TPRX1: variants seen among roughly 807,000 people sequenced by gnomAD.
TPRX1 encodes the protein tetra-peptide repeat homeobox protein 1.
A neutral mutation model predicts 8.1 loss-of-function variants in TPRX1; 2 were observed. That is an observed-to-expected ratio of 0.25 (90% confidence interval 0.10 to 0.78). The LOEUF is 0.78. Ranked by LOEUF, TPRX1 falls within the 30% of genes least tolerant of loss-of-function variation. The probability of loss-of-function intolerance (pLI) is 0.70; values close to 1 mark genes in which losing one functional copy is unlikely to be tolerated. For missense variants in TPRX1, 517 were observed against 586.9 expected, an observed-to-expected ratio of 0.88 and a Z score of 1.23; for synonymous variants, 257 against 254.1, an observed-to-expected ratio of 1.01 and a Z score of -0.11.
intron 2 of TPRX1, among the ~76,000 whole-genome samples, chr19:47,816,690 G>A (rs989536422): frequency 1.3e-4 from 19 of 151,560 alleles, no homozygotes; most frequent in East Asian, 3.9e-4. Context: ...CCGCCACCAC[G>A]CCCGGCTATT....
chr19:47,814,316 A>C (rs1329011391), intron 2 of TPRX1, among the ~76,000 whole-genome samples: 1 of 151,990 alleles, frequency 6.6e-6, no homozygotes, highest in Non-Finnish European at 1.5e-5. Flanking sequence ...CGACCTCCCA[A>C]AGTGTTGGGA....
intron 2 of TPRX1, among the ~76,000 whole-genome samples, chr19:47,808,578 C>T (rs539291370): frequency 5.3e-5 from 8 of 151,946 alleles, no homozygotes; most frequent in Non-Finnish European, 1.0e-4. Context: ...GGACTACAGG[C>T]GCCTGCCACC....
At position 47,802,485 on chromosome 19, in the gene TPRX1, G is replaced by T. The variant is rs1199038020; in HGVS notation, c.817C>A (p.Pro273Thr). ...GGGTTTGGGCCTGGGATCGGGCCTG[G>T]GTTTGGGCCTGAGAATGGGCCTGAG... is the stretch of plus-strand genomic sequence containing the variant. Residue 273 changes from proline (P) to threonine (T), a missense_variant, in exon 4 of 4, where the codon CCA becomes ACA. Pro to Thr is a conservative substitution (Grantham distance 38). Coordinates refer to ENST00000535759, the Ensembl canonical transcript of TPRX1. The T allele has an allele frequency of 3.2e-6, 5 of 1,544,012 alleles. No individual in the cohort carries two copies. In the African/African-American group the frequency reaches 5.6e-5, roughly 17 times the overall value.
chr19:47,815,119 T>TATAGATATATATGCAA (rs1967820675), intron 2 of TPRX1, among the ~76,000 whole-genome samples: 1 of 78,016 alleles, frequency 1.3e-5, no homozygotes, highest in Non-Finnish European at 2.6e-5. Context: ...ATAAATTATA[T>TATAGATATATATGCAA]ATATATATAT....
Position 47,810,207 on chromosome 19 carries a change from A to G in TPRX1, c.152-6534T>C, listed in dbSNP as rs187160186. On this transcript the variant is annotated intron_variant, in intron 2 of 3. Coordinates refer to ENST00000535759, the Ensembl canonical transcript of TPRX1. ...GAGGCAGAGGTTGCCGTGAGCTGAG[A>G]TTGTGCCACTGCACTCCAGCCCCGG... Among the ~76,000 whole-genome samples, 8 of 114,524 alleles carry G rather than the reference A, an allele frequency of 7.0e-5. No individual in the cohort carries two copies. In the East Asian group the frequency reaches 2.5e-3, roughly 36 times the overall value. 75.1% of individuals were successfully genotyped at this position (114,524 alleles called of 152,430 possible).
At chr19:47,810,455 TCTC>T (rs1249524103) in intron 2 of TPRX1, among the ~76,000 whole-genome samples, 2 of 146,676 alleles carry the variant, frequency 1.4e-5, no homozygotes, top group Non-Finnish European at 3.0e-5. Context: ...TTCAAACCCT[TCTC>T]CTGCCTCAGC....
intron 2 of TPRX1, among the ~76,000 whole-genome samples, chr19:47,817,027 T>A (rs558000939): frequency 4.5e-4 from 69 of 152,348 alleles, no homozygotes; most frequent in African/African-American, 1.6e-3. Flanking sequence ...GCCCTGGGGA[T>A]CAGCCTGGGA....
At chr19:47,818,312 CCCAT>C (rs143765247) in intron 2 of TPRX1, among the ~76,000 whole-genome samples, 10,305 of 101,794 alleles carry the variant, frequency 0.1, 908 homozygotes, top group Middle Eastern at 0.17. Context: ...CCATCCATCA[CCCAT>C]CCATCCATCC....
intron 2 of TPRX1, among the ~76,000 whole-genome samples, chr19:47,811,624 G>C (rs977976646): frequency 6.7e-6 from 1 of 149,620 alleles, no homozygotes; most frequent in Admixed American, 6.7e-5. Flanking sequence ...TCAGCCTCCT[G>C]AGTAGCTGGG....
rs182591980 is a variant in TPRX1, at chr19:47,810,505, C to T, written c.152-6832G>A. 3.2e-3 allele frequency among the ~76,000 whole-genome samples: 479 copies of T among 150,286 alleles called. 4 individuals are homozygous for T. Among genetic ancestry groups the T allele is most frequent in the African/African-American group, 0.011 (458 of 40,972 alleles). On this transcript the variant is annotated intron_variant, in intron 2 of 3. Transcript: ENST00000535759. ...CTGGGATTACAGGCGCCCACCACCA[C>T]GCCCGGCTAATTTTTGTATTTTCAG...
intron 2 of TPRX1, among the ~76,000 whole-genome samples, chr19:47,813,891 C>T (rs1315794558): frequency 7.0e-6 from 1 of 142,048 alleles, no homozygotes; most frequent in African/African-American, 2.6e-5. Context: ...AGGACGGCCA[C>T]CAGGGGGCGG....
At chr19:47,803,839 A>G in intron 2 of TPRX1, 166 bp from the exon 2 acceptor site, 2 of 488,088 alleles carry the variant, frequency 4.1e-6, no homozygotes, top group Non-Finnish European at 7.5e-6. Flanking sequence ...TCTGGGCCTC[A>G]GGGTCCACAT....
intron 2 of TPRX1, among the ~76,000 whole-genome samples, chr19:47,808,688 T>G (rs541927163): frequency 6.9e-6 from 1 of 145,610 alleles, no homozygotes; most frequent in Non-Finnish European, 1.6e-5. Flanking sequence ...ACTCCTGACC[T>G]CAAGTGATCC....
exon 4 of TPRX1, chr19:47,801,384 G>A (rs1967661485): frequency 5.6e-6 from 1 of 177,552 alleles, no homozygotes; most frequent in South Asian, 1.7e-4. Flanking sequence ...AATCATCAGG[G>A]AAATGGATAT....
chr19:47,818,657 G>C (rs904839284), intron 1 of TPRX1: 4 of 417,284 alleles, frequency 9.6e-6, no homozygotes, highest in Non-Finnish European at 1.9e-5. Flanking sequence ...TCCTGCAGTA[G>C]AGCCTGGAGT....
chr19:47,810,781 C>A (rs1174540762), intron 2 of TPRX1, among the ~76,000 whole-genome samples: 1 of 152,006 alleles, frequency 6.6e-6, no homozygotes, highest in Non-Finnish European at 1.5e-5. Flanking sequence ...GAGGGTATCT[C>A]TTGGTGCAGG....
exon 4 of TPRX1, chr19:47,802,420 G>A (rs1967682432): frequency 2.3e-6 from 3 of 1,310,260 alleles, no homozygotes; most frequent in African/African-American, 3.0e-5. Flanking sequence ...CTGAGATTGG[G>A]CCTGGGATCG....
chr19:47,810,878 C>G (rs1967776775), intron 2 of TPRX1, among the ~76,000 whole-genome samples: 1 of 150,690 alleles, frequency 6.6e-6, no homozygotes, highest in Non-Finnish European at 1.5e-5. Context: ...GTGGGGGTGA[C>G]AAAGGCATGA....
chr19:47,805,709 G>C (rs1045828086), intron 2 of TPRX1, among the ~76,000 whole-genome samples: 1 of 152,104 alleles, frequency 6.6e-6, no homozygotes, highest in African/African-American at 2.4e-5. Context: ...CACATTGTCC[G>C]GCTTCATCTA....
Sources: allele counts gnomAD v4.1 joint callset (sites outside exome capture counted in the v4.1 genomes callset), GRCh38; gene constraint gnomAD v4.1.1; transcripts MANE v1.5; gene names NCBI Gene and HGNC (gene_info 2026-07-23, HGNC 2026-07-21).